The following CDK14 variants were observed in gnomAD, a reference collection of about 807,000 sequenced individuals.
CDK14 encodes cyclin-dependent kinase 14.
Under a neutral mutation model 60.7 loss-of-function variants are expected in CDK14, and 34 were observed. That is an observed-to-expected ratio of 0.56 (90% CI 0.43 to 0.75). The LOEUF (loss-of-function observed/expected upper bound fraction) is 0.75, where lower values mean the gene tolerates loss of function less well. Ranked by LOEUF, CDK14 falls within the 30% of genes least tolerant of loss-of-function variation. The pLI is 0.00. For synonymous variants in CDK14, 197 were observed against 203.7 expected (o/e 0.97, Z 0.28); for missense variants, 482 against 564.1 (o/e 0.85, Z 1.47).
rs143947380 is a variant in CDK14 at position 90,620,658 on chromosome 7, G to T, written c.123+16409G>T. ...TGTAAAGGGTCTTGGCACGGAGCAG[G>T]CACCACCGTTTCATAGAGCTGGGCT... On this transcript the variant is annotated intron_variant, in intron 2 of 14. Coordinates refer to ENST00000380050, the MANE Select transcript of CDK14 (RefSeq NM_001287135.2). 1.8e-3 allele frequency among the ~76,000 whole-genome samples: 271 copies of T among 152,170 alleles called. 1 individual carries two copies. The highest frequency in any genetic ancestry group is 6.4e-3 in the African/African-American group (265 of 41,508).
At chr7:91,188,225 A>G (rs1272534433) in intron 14 of CDK14, among the ~76,000 whole-genome samples, 2 of 152,166 alleles carry the variant, frequency 1.3e-5, no homozygotes, top group Non-Finnish European at 2.9e-5. Flanking sequence ...TGTGATTTCC[A>G]GTAATTAAAT....
At chr7:91,024,079 C>T (rs1219914849) in intron 10 of CDK14, among the ~76,000 whole-genome samples, 1 of 150,912 alleles carries the variant, frequency 6.6e-6, no homozygotes, top group Non-Finnish European at 1.5e-5. Flanking sequence ...AGCCAGAAAG[C>T]GTATCTTAAA....
At chr7:91,147,141 G>GTCTGTC (rs1554440019) in intron 14 of CDK14, among the ~76,000 whole-genome samples, 201 of 79,200 alleles carry the variant, frequency 2.5e-3, no homozygotes, top group East Asian at 0.021. Flanking sequence ...ACCTCTCTCT[G>GTCTGTC]TCTCTCTCTC....
intron 2 of CDK14, among the ~76,000 whole-genome samples, chr7:90,653,825 A>C (rs1474329828): frequency 6.6e-6 from 1 of 151,806 alleles, no homozygotes; most frequent in African/African-American, 2.4e-5. Context: ...TTCTCCCCCC[A>C]CCTGATGACA....
intron 10 of CDK14, among the ~76,000 whole-genome samples, chr7:90,985,447 G>C (rs1000725412): frequency 9.2e-5 from 14 of 152,172 alleles, no homozygotes; most frequent in African/African-American, 3.4e-4. Flanking sequence ...ACAAATCGTT[G>C]TTATTTTAAT....
chr7:91,185,790 GT>G (rs1377597637), intron 14 of CDK14, among the ~76,000 whole-genome samples: 1 of 151,928 alleles, frequency 6.6e-6, no homozygotes, highest in Admixed American at 6.5e-5. Context: ...CAGTTCGGGG[GT>G]TTTTAGTGTA....
intron 2 of CDK14, among the ~76,000 whole-genome samples, chr7:90,671,834 A>G (rs978103217): frequency 2.0e-5 from 3 of 152,242 alleles, no homozygotes; most frequent in Non-Finnish European, 2.9e-5. Flanking sequence ...AACTAAATCA[A>G]TATGGTATAA....
intron 3 of CDK14, among the ~76,000 whole-genome samples, chr7:90,741,964 G>C (rs1047719573): frequency 7.2e-5 from 11 of 151,840 alleles, no homozygotes; most frequent in African/African-American, 2.7e-4. Context: ...TTTTTTTGAG[G>C]TTGAACCATT....
intron 11 of CDK14, among the ~76,000 whole-genome samples, chr7:91,047,247 G>A (rs1212969622): frequency 6.6e-6 from 1 of 152,098 alleles, no homozygotes. Flanking sequence ...AAATGAAACA[G>A]GAGACTTTAA....
intron 14 of CDK14, among the ~76,000 whole-genome samples, chr7:91,123,512 T>C (rs1330187711): frequency 1.3e-5 from 2 of 152,124 alleles, no homozygotes; most frequent in African/African-American, 4.8e-5. Flanking sequence ...ATTTGGGAAA[T>C]TGACAGCACT....
chr7:90,762,491 G>A (rs753707434), intron 4 of CDK14, among the ~76,000 whole-genome samples: 5 of 152,116 alleles, frequency 3.3e-5, no homozygotes, highest in African/African-American at 4.8e-5. Flanking sequence ...AGTTACAAAC[G>A]TGACAGATAT....
chr7:90,890,752 T>A (rs1792093203), intron 6 of CDK14, among the ~76,000 whole-genome samples: 1 of 152,218 alleles, frequency 6.6e-6, no homozygotes, highest in South Asian at 2.1e-4. Flanking sequence ...AAACAGAGGT[T>A]ATACCTAGAG....
At chr7:91,011,749 T>C (rs898429626) in intron 10 of CDK14, among the ~76,000 whole-genome samples, 1 of 152,156 alleles carries the variant, frequency 6.6e-6, no homozygotes, top group Non-Finnish European at 1.5e-5. Flanking sequence ...ATTCAGTGTA[T>C]TTTTCATCTC....
chr7:91,194,309 GC>G (rs1216399781), intron 14 of CDK14, among the ~76,000 whole-genome samples: 1 of 152,062 alleles, frequency 6.6e-6, no homozygotes, highest in East Asian at 1.9e-4. Flanking sequence ...AAACAAAAGA[GC>G]TTTTTTGTTT....
At chr7:90,906,054 A>G (rs1307476818) in intron 7 of CDK14, among the ~76,000 whole-genome samples, 1 of 152,160 alleles carries the variant, frequency 6.6e-6, no homozygotes, top group Non-Finnish European at 1.5e-5. Context: ...TTCTCAAAAA[A>G]TTCGGACTAT....
In CDK14 at chr7:90,766,287, T is replaced by G. The variant is rs373864656; in HGVS notation, c.464+18512T>G. On this transcript the variant is annotated intron_variant, in intron 4 of 14. Transcript: ENST00000380050. ...GCTACTATTTATTGAACACTCCATT[T>G]TTTTCACCTGTGAAAACAGGGTTAA... 2.1e-4 allele frequency among the ~76,000 whole-genome samples: 32 copies of G among 152,334 alleles called. 1 individual carries two copies. The East Asian group carries it at 2.1e-3, about 10-fold the overall frequency.
At chr7:91,188,330 T>C (rs1357907499) in intron 14 of CDK14, among the ~76,000 whole-genome samples, 1 of 152,192 alleles carries the variant, frequency 6.6e-6, no homozygotes, top group East Asian at 1.9e-4. Flanking sequence ...ATGCAAGTGT[T>C]TATAACCTCT....
intron 10 of CDK14, among the ~76,000 whole-genome samples, chr7:91,016,037 A>G (rs1796294922): frequency 2.0e-5 from 3 of 152,230 alleles, no homozygotes; most frequent in South Asian, 4.1e-4. Flanking sequence ...TAACTGACCT[A>G]AAGTGAGCAA....
intron 14 of CDK14, among the ~76,000 whole-genome samples, chr7:91,190,791 A>G (rs1458828210): frequency 6.6e-6 from 1 of 152,120 alleles, no homozygotes; most frequent in African/African-American, 2.4e-5. Context: ...CACCCAGCCT[A>G]TTCTTTTCTT....
Sources: gnomAD v4.1 joint callset for allele counts (sites outside exome capture counted in the v4.1 genomes callset) on GRCh38, gnomAD v4.1.1 for gene constraint, MANE v1.5 for transcripts, NCBI Gene and HGNC (gene_info 2026-07-23, HGNC 2026-07-21) for gene names.